TTN: variants seen among roughly 807,000 people sequenced by gnomAD.
TTN encodes titin, also known as connectin.
In TTN, 1,525 loss-of-function variants were observed where a neutral mutation model predicts 3,223.0. That is an observed-to-expected ratio of 0.47 (90% CI 0.45 to 0.49). The LOEUF is 0.49. Ranked by LOEUF, TTN falls within the 20% of genes least tolerant of loss-of-function variation. The probability of loss-of-function intolerance (pLI) is 0.00; values close to 1 mark genes in which losing one functional copy is unlikely to be tolerated. For synonymous variants in TTN, 14,094 were observed against 15,161.0 expected (o/e 0.93, Z 5.17); for missense variants, 40,786 against 43,424.0 (o/e 0.94, Z 5.40).
In TTN at chr2:178,575,333, T is replaced by G. The variant is rs1168061388; in HGVS notation, c.70799A>C (p.Glu23600Ala). The change falls in exon 326 of 363, where the codon GAA becomes GCA. Residue 23600 changes from glutamate to alanine, a missense_variant. By Grantham distance (107) the Glu-to-Ala change is moderately radical. Coordinates refer to ENST00000589042, the MANE Select transcript of TTN (RefSeq NM_001267550.2). This position sits in a 1 kb window ranked among gnomAD's most constrained non-coding sequence, Gnocchi z 4.0. ...CACTGCCATCACTTGGAAGGTATATTCCTCTCCTTCAGTTAGATTCCTCAC... is the reference window on the plus strand; with the variant it reads ...CACTGCCATCACTTGGAAGGTATATGCCTCTCCTTCAGTTAGATTCCTCAC... The part of the protein sequence containing the change: ...CVVRNLTEGE[E>A]YTFQVMAVNS... 1 of 1,613,378 alleles carries G rather than the reference T, an allele frequency of 6.2e-7. No individual in the cohort carries two copies. Among genetic ancestry groups the G allele is most frequent in the African/African-American group, 1.3e-5 (1 of 74,914 alleles).
At chr2:178,664,980 A>G in intron 165 of TTN, 54 bp from the exon 166 acceptor site, 1 of 1,536,518 alleles carries the variant, frequency 6.5e-7, no homozygotes, top group Non-Finnish European at 8.8e-7. Flanking sequence ...AATGGAAAAC[A>G]GTAACCACAA....
chr2:178,757,641 C>G lies in TTN; in HGVS notation c.10579G>C (p.Val3527Leu), dbSNP rs372531162. 5.0e-6 allele frequency: 8 copies of G among 1,613,798 alleles called. No individual in the cohort carries two copies. The highest frequency in any genetic ancestry group is 1.7e-5 in the Admixed American group (1 of 60,014). ...ESTGMALMLI[V>L]DAYSEHAGQY... Reference sequence around the variant, plus strand: ...CCAGCATGCTCTGAGTAAGCATCAACTATAAGCATTAAAGCCATGCCTGTG... The same window carrying G: ...CCAGCATGCTCTGAGTAAGCATCAAGTATAAGCATTAAAGCCATGCCTGTG... The change falls in exon 45 of 363, where the codon GTT becomes CTT. Residue 3527 changes from valine (V) to leucine (L), a missense_variant. Transcript: ENST00000589042.
At chr2:178,588,418 T>C (rs2049508370) in intron 304 of TTN, 120 bp downstream of exon 304, 18 of 1,279,066 alleles carry the variant, frequency 1.4e-5, no homozygotes, top group Non-Finnish European at 1.9e-5. Flanking sequence ...TTTGGAAAAA[T>C]ATTTGCTAAA....
At chr2:178,689,262 A>T in intron 124 of TTN, 28 bp downstream of exon 124, 1 of 1,606,600 alleles carries the variant, frequency 6.2e-7, no homozygotes, top group South Asian at 1.1e-5. Flanking sequence ...ACATAAAGAC[A>T]GTTCTTGGGA....
In TTN at chr2:178,528,998, C is replaced by T; in HGVS notation, c.106753G>A (p.Glu35585Lys). ...EVKKSAATSL[E>K]KSIVHEEITK... ...ATTTCCTCATGGACAATGGATTTTT[C>T]CAGGGAGGTTGCTGCTGATTTCTTG... Residue 35585 changes from glutamate to lysine, a missense_variant, in exon 360 of 363, where the codon GAA becomes AAA. Physicochemically the swap from Glu to Lys is moderately conservative, Grantham distance 56. Transcript: ENST00000589042. 3.1e-6 allele frequency: 5 copies of T among 1,613,944 alleles called. No homozygotes were observed. Among genetic ancestry groups the T allele is most frequent in the East Asian group, 2.2e-5 (1 of 44,890 alleles).
intron 220 of TTN, 89 bp from the exon 221 acceptor site, chr2:178,640,719 T>G: frequency 9.2e-7 from 1 of 1,088,074 alleles, no homozygotes; most frequent in East Asian, 2.6e-5. Context: ...TCAAAAACTC[T>G]ATGGATGGTT....
Position 178,537,891 on chromosome 2 carries a change from CTT to C in TTN, c.99314_99315del (p.Lys33105ArgfsTer11). 1 of 1,611,934 alleles carries C rather than the reference CTT, an allele frequency of 6.2e-7. No individual in the cohort carries two copies. Among genetic ancestry groups the C allele is most frequent in the Non-Finnish European group, 8.5e-7 (1 of 1,178,632 alleles). On this transcript the variant is annotated frameshift_variant, in exon 355 of 363. Transcript: ENST00000589042. LOFTEE classifies it high-confidence loss of function. ...LTSGEAPGIR[K>X]EMKDVTTKLG... The stretch of plus-strand genomic sequence containing the variant: ...AATTTTGTGGTAACATCCTTCATTT[CTT>C]TGCGTATTCCTGGGGCCTCTCCAGC...
Position 178,712,012 on chromosome 2 carries a change from C to T in TTN, c.27818G>A (p.Gly9273Glu). The T allele has an allele frequency of 6.2e-7, 1 of 1,613,702 alleles. No homozygotes were observed. The highest frequency in any genetic ancestry group is 1.3e-5 in the African/African-American group (1 of 75,024). The change falls in exon 96 of 363, where the codon GGA becomes GAA. Residue 9273 changes from glycine (G) to glutamate (E), a missense_variant. Physicochemically the swap from Gly to Glu is moderately conservative, Grantham distance 98. Coordinates refer to ENST00000589042, the MANE Select transcript of TTN (RefSeq NM_001267550.2). ...GTTTTCAGCTTTGCAGATATATTCT[C>T]CACTATCATTAATATCAACCTGGTT... is the stretch of plus-strand genomic sequence containing the variant. ...VFNQVDINDS[G>E]EYICKAENSV...
At position 178,585,089 on chromosome 2, in the gene TTN, A is replaced by G; in HGVS notation, c.64655T>C (p.Ile21552Thr). The change falls in exon 309 of 363, where the codon ATC becomes ACC. Residue 21552 changes from isoleucine (I) to threonine (T), a missense_variant. Physicochemically the swap from Ile to Thr is moderately conservative, Grantham distance 89. Coordinates refer to ENST00000589042, the MANE Select transcript of TTN (RefSeq NM_001267550.2). ...ENSSGTDTQKIKVVVMDAPGP... is the reference protein window; with the variant it reads ...ENSSGTDTQKTKVVVMDAPGP... ...TAACTTACCCATGACTACAACTTTG[A>G]TTTTCTGAGTGTCTGTCCCAGAACT... The G allele has an allele frequency of 6.2e-7, 1 of 1,605,030 alleles. No individual in the cohort carries two copies. Among genetic ancestry groups the G allele is most frequent in the South Asian group, 1.1e-5 (1 of 89,370 alleles).
chr2:178,632,452 A>G (rs1489818439), intron 235 of TTN, 39 bp from the exon 236 acceptor site: 6 of 1,578,468 alleles, frequency 3.8e-6, no homozygotes, highest in Non-Finnish European at 5.1e-6. Context: ...TAATTGAAGC[A>G]CTTTAAAGAA....
At chr2:178,722,969 G>C in intron 75 of TTN, 32 bp from the exon 76 acceptor site, 2 of 1,596,196 alleles carry the variant, frequency 1.3e-6, no homozygotes, top group Non-Finnish European at 1.7e-6. Context: ...TTAGCAACTG[G>C]AATTAATGAA....
Position 178,680,320 on chromosome 2 carries a change from G to T in TTN, c.33352C>A (p.Pro11118Thr). 1 of 1,608,750 alleles carries T rather than the reference G, an allele frequency of 6.2e-7. No homozygotes were observed. Among genetic ancestry groups the T allele is most frequent in the South Asian group, 1.1e-5 (1 of 89,640 alleles). Residue 11118 changes from proline to threonine, a missense_variant, in exon 139 of 363, where the codon CCC becomes ACC. Pro to Thr is a conservative substitution (Grantham distance 38). Coordinates refer to ENST00000589042, the MANE Select transcript of TTN (RefSeq NM_001267550.2). Reference protein sequence around the residue: ...TEPAAKVPMKPKRVVAEEKVP... With the variant: ...TEPAAKVPMKTKRVVAEEKVP... Reference sequence around the variant, plus strand: ...TTTTCTTCTGCGACAACCCTCTTGGGCTTCATGGGCACTTGAAATATGAAG... The same window carrying T: ...TTTTCTTCTGCGACAACCCTCTTGGTCTTCATGGGCACTTGAAATATGAAG...
Position 178,723,710 on chromosome 2 carries a change from G to T in TTN, c.21404-14C>A. 6.5e-7 allele frequency: 1 copy of T among 1,543,426 alleles called. No individual in the cohort carries two copies. The highest frequency in any genetic ancestry group is 8.7e-7 in the Non-Finnish European group (1 of 1,150,432). The stretch of plus-strand genomic sequence containing the variant: ...AAGAGGGTGGTTCTATATAGACATG[G>T]AGAACAATTAAAAGATCCTGTAAGC... On this transcript the variant is annotated splice_polypyrimidine_tract_variant and intron_variant, in intron 73 of 362. Transcript: ENST00000589042.
rs765510494 is a variant in TTN at position 178,572,394 on chromosome 2, C to T, written c.73738G>A (p.Val24580Ile). Residue 24580 changes from valine to isoleucine, a missense_variant, in exon 326 of 363, where the codon GTA becomes ATA. Val to Ile is a conservative substitution (Grantham distance 29). Coordinates refer to ENST00000589042, the MANE Select transcript of TTN (RefSeq NM_001267550.2). ...CTACAGCCTTCTTGAAGCTGGTCTA[C>T]CTTCCAGGAAGTCTTGTGGCAGTTT... ...ATNCHKTSWK[V>I]DQLQEGCSYY... 6.2e-7 allele frequency: 1 copy of T among 1,613,096 alleles called. No homozygotes were observed. Among genetic ancestry groups the T allele is most frequent in the Non-Finnish European group, 8.5e-7 (1 of 1,179,266 alleles).
At position 178,776,233 on chromosome 2, in the gene TTN, A is replaced by G. The variant is rs1179559424; in HGVS notation, c.5631T>C (p.Asn1877=). ...TTTTGCTTTTGCGGATGAGCTGTCCATTGAGGTACCAGTTGACTTTGGGCT... is the reference window on the plus strand; with the variant it reads ...TTTTGCTTTTGCGGATGAGCTGTCCGTTGAGGTACCAGTTGACTTTGGGCT... ...YPQPKVNWYL[N]GQLIRKSKRF... Residue 1877 remains asparagine, a synonymous_variant, in exon 28 of 363, where the codon AAT becomes AAC. Transcript: ENST00000589042. 14 of 1,614,022 alleles carry G rather than the reference A, an allele frequency of 8.7e-6. No homozygotes were observed. Among genetic ancestry groups the G allele is most frequent in the Non-Finnish European group, 1.2e-5 (14 of 1,180,006 alleles).
chr2:178,579,598 G>C lies in TTN; in HGVS notation c.67599C>G (p.Thr22533=). 6.2e-7 allele frequency: 1 copy of C among 1,613,190 alleles called. No individual in the cohort carries two copies. The highest frequency in any genetic ancestry group is 8.5e-7 in the Non-Finnish European group (1 of 1,179,470). Residue 22533 remains threonine (T), a synonymous_variant, in exon 319 of 363, where the codon ACC becomes ACG. Coordinates refer to ENST00000589042, the MANE Select transcript of TTN (RefSeq NM_001267550.2). ...VSAENENGEG[T]PSEITVVARD... The stretch of plus-strand genomic sequence containing the variant: ...TTGCCACAACAGTGATTTCGCTTGG[G>C]GTTCCTTCTCCATTTTCATTCTCAG...
Position 178,773,104 on chromosome 2 carries a change from C to A in TTN, c.7855+5G>T. ...GTAAGAATTTAGGTTAATAAATATA[C>A]CAACCTGCCACAGTAAGTTTTCCAG... On this transcript the variant is annotated splice_donor_5th_base_variant and intron_variant, in intron 33 of 362. Coordinates refer to ENST00000589042, the MANE Select transcript of TTN (RefSeq NM_001267550.2). 6.2e-7 allele frequency: 1 copy of A among 1,613,808 alleles called. No homozygotes were observed. Among genetic ancestry groups the A allele is most frequent in the Non-Finnish European group, 8.5e-7 (1 of 1,179,854 alleles).
chr2:178,753,111 A>G lies in TTN; in HGVS notation c.11311+13T>C, dbSNP rs534849977. ...GAATTTCTACTTAAATCTCACATCC[A>G]TTATAACAATACCTTTCATTTCCAT... is the stretch of plus-strand genomic sequence containing the variant. On this transcript the variant is annotated intron_variant, in intron 47 of 362. Transcript: ENST00000589042. The G allele has an allele frequency of 1.9e-6, 3 of 1,605,348 alleles. No individual in the cohort carries two copies. Among genetic ancestry groups the G allele is most frequent in the Admixed American group, 1.7e-5 (1 of 59,532 alleles).
intron 240 of TTN, among the ~76,000 whole-genome samples, chr2:178,627,790 A>G (rs751227377): frequency 7.2e-5 from 11 of 152,028 alleles, no homozygotes; most frequent in Non-Finnish European, 1.5e-4. Context: ...ACAAAAAGAT[A>G]TTTGGTAATG....
Sources: allele counts gnomAD v4.1 joint callset (sites outside exome capture counted in the v4.1 genomes callset), GRCh38; gene constraint gnomAD v4.1.1; non-coding constraint Gnocchi (gnomAD v3.1); transcripts MANE v1.5; gene names NCBI Gene and HGNC (gene_info 2026-07-23, HGNC 2026-07-21).